The following CUTC variants were observed in gnomAD, a reference collection of about 807,000 sequenced individuals.
CUTC encodes the protein cutC copper transporter.
In CUTC, 27 loss-of-function variants were observed where a neutral mutation model predicts 36.2. The ratio of observed to expected loss-of-function variants is 0.75; its 90% CI spans 0.55 to 1.03. CUTC has a LOEUF of 1.03. CUTC is among the 50% of genes least tolerant of loss of function. CUTC has a pLI of 0.00. For missense variants in CUTC, 315 were observed against 343.5 expected, an observed-to-expected ratio of 0.92 and a Z score of 0.66; for synonymous variants, 114 against 118.3, an observed-to-expected ratio of 0.96 and a Z score of 0.24.
chr10:99,738,389 GGT>G (rs10693937), intron 2 of CUTC, among the ~76,000 whole-genome samples: 2,542 of 142,904 alleles, frequency 0.018, 54 homozygotes, highest in East Asian at 0.11. Context: ...ACTCATACAG[GGT>G]GTGTGTGTGT....
In CUTC at chr10:99,740,575, G is replaced by A. The variant is rs1441881107; in HGVS notation, c.193+806G>A. On this transcript the variant is annotated intron_variant, in intron 3 of 8. Coordinates refer to ENST00000370476, the MANE Select transcript of CUTC (RefSeq NM_015960.3). ...TACTTTTAAGATTTTTTTATTATTGGTTTTGAACAATTTTCTTATGGTGTA... is the reference window on the plus strand; with the variant it reads ...TACTTTTAAGATTTTTTTATTATTGATTTTGAACAATTTTCTTATGGTGTA... Among the ~76,000 whole-genome samples, 5 of 151,314 alleles carry A rather than the reference G, an allele frequency of 3.3e-5. No homozygotes were observed. In the South Asian group the frequency reaches 8.4e-4, roughly 25 times the overall value.
chr10:99,754,773 A>C, intron 8 of CUTC, 139 bp downstream of exon 8: 1 of 609,530 alleles, frequency 1.6e-6, no homozygotes, highest in Non-Finnish European at 2.9e-6. Context: ...TTGTTTTTGT[A>C]GTTGAAAAAC....
chr10:99,732,311 T>C lies in CUTC; in HGVS notation c.-38T>C, dbSNP rs769068328. The stretch of plus-strand genomic sequence containing the variant: ...TGCGCGCCGGAGCCCAAATTCCAAG[T>C]GGAAACTGCAGGCGCACGAGGGAGG... On this transcript the variant is annotated 5_prime_UTR_variant, in exon 1 of 9. Transcript: ENST00000370476. The C allele has an allele frequency of 6.5e-7, 1 of 1,549,842 alleles. No homozygotes were observed. The highest frequency in any genetic ancestry group is 1.2e-5 in the South Asian group (1 of 83,980).
At position 99,739,749 on chromosome 10, in the gene CUTC, G is replaced by A. The variant is rs180812309; in HGVS notation, c.173G>A (p.Gly58Glu). The change falls in exon 3 of 9, where the codon GGG (glycine) becomes GAG (glutamate). Residue 58 changes from glycine (G) to glutamate (E), a missense_variant. Transcript: ENST00000370476. Reference protein sequence around the residue: ...RIELCSGLSEGGTTPSMGVLQ... With the variant: ...RIELCSGLSEEGTTPSMGVLQ... ...GAATTATGTTCTGGTTTATCAGAGG[G>A]GGGAACTACACCCAGCATGGGTAAG... 1.2e-6 allele frequency: 2 copies of A among 1,611,202 alleles called. No individual in the cohort carries two copies. Among genetic ancestry groups the A allele is most frequent in the East Asian group, 2.2e-5 (1 of 44,650 alleles).
Position 99,734,361 on chromosome 10 carries a change from C to G in CUTC, c.62-1885C>G, listed in dbSNP as rs143772909. Among the ~76,000 whole-genome samples, 8 of 152,262 alleles carry G rather than the reference C, an allele frequency of 5.3e-5. No individual in the cohort carries two copies. In the South Asian group the frequency reaches 1.7e-3, roughly 32 times the overall value. On this transcript the variant is annotated intron_variant, in intron 1 of 8. Transcript: ENST00000370476. ...GGATTACAGGCGTGAGCCACCGCGC[C>G]GGACAGGGACTGATAGTCTTAAATA...
At chr10:99,747,614 G>A (rs2037388389) in intron 6 of CUTC, among the ~76,000 whole-genome samples, 1 of 152,234 alleles carries the variant, frequency 6.6e-6, no homozygotes, top group African/African-American at 2.4e-5. Context: ...CTAAAGATCT[G>A]ATCTAACTTG....
intron 1 of CUTC, 150 bp downstream of exon 1, chr10:99,732,559 A>G: frequency 6.9e-7 from 1 of 1,450,714 alleles, no homozygotes; most frequent in South Asian, 1.5e-5. Context: ...GAGGCGTTAA[A>G]GGTGTGGAAA....
At chr10:99,738,970 T>C (rs78078504) in intron 2 of CUTC, among the ~76,000 whole-genome samples, 3,150 of 152,264 alleles carry the variant, frequency 0.021, 105 homozygotes, top group African/African-American at 0.072. Flanking sequence ...CCTCATCCTC[T>C]GTTTGGTTAT....
intron 6 of CUTC, 136 bp from the exon 7 acceptor site, chr10:99,750,233 T>C (rs2037406319): frequency 2.1e-6 from 1 of 479,796 alleles, no homozygotes; most frequent in Non-Finnish European, 3.5e-6. Context: ...ATAGAGAAGA[T>C]CTAGTAAAAA....
chr10:99,746,522 A>G (rs1441225650), intron 5 of CUTC, among the ~76,000 whole-genome samples: 1 of 152,206 alleles, frequency 6.6e-6, no homozygotes, highest in Non-Finnish European at 1.5e-5. Flanking sequence ...AAAAGTTAAA[A>G]AAAAGTAAAT....
At chr10:99,738,389 G>GGTGC (rs1554843112) in intron 2 of CUTC, among the ~76,000 whole-genome samples, 3 of 142,862 alleles carry the variant, frequency 2.1e-5, no homozygotes, top group Admixed American at 7.0e-5. Context: ...ACTCATACAG[G>GGTGC]GTGTGTGTGT....
chr10:99,733,071 G>A (rs1299082508), intron 1 of CUTC, among the ~76,000 whole-genome samples: 3 of 151,920 alleles, frequency 2.0e-5, no homozygotes, highest in Non-Finnish European at 4.4e-5. Context: ...TTTTTTGGGA[G>A]GCCGAGGGGG....
At chr10:99,735,101 CAAAAAAAAAA>C (rs56971127) in intron 1 of CUTC, among the ~76,000 whole-genome samples, 1 of 68,770 alleles carries the variant, frequency 1.5e-5, no homozygotes, top group Non-Finnish European at 2.5e-5. Context: ...GACTCTGTAT[CAAAAAAAAAA>C]AAAAAAAAAA....
intron 1 of CUTC, among the ~76,000 whole-genome samples, chr10:99,735,535 G>A (rs1265605634): frequency 6.6e-6 from 1 of 152,138 alleles, no homozygotes; most frequent in African/African-American, 2.4e-5. Context: ...AGCCTCCCAA[G>A]TAGCTGGGAT....
intron 6 of CUTC, among the ~76,000 whole-genome samples, chr10:99,748,064 A>C (rs2037391871): frequency 6.6e-6 from 1 of 152,220 alleles, no homozygotes; most frequent in Admixed American, 6.5e-5. Flanking sequence ...TTCTGATGTC[A>C]GTCCAGAGGC....
chr10:99,748,448 G>A (rs1285823736), intron 6 of CUTC, among the ~76,000 whole-genome samples: 2 of 152,180 alleles, frequency 1.3e-5, no homozygotes, highest in Non-Finnish European at 2.9e-5. Context: ...ATTCTGGGAT[G>A]TAATGGTTTC....
At position 99,744,060 on chromosome 10, in the gene CUTC, A is replaced by T. The variant is rs758712399; in HGVS notation, c.427A>T (p.Thr143Ser). ...LMAICRPLPV[T>S]FHRAFDMVHD... The stretch of plus-strand genomic sequence containing the variant: ...AGCTATTTGCCGCCCTCTGCCAGTC[A>T]CTTTCCACCGAGGTGAGTCATTTTC... Residue 143 changes from threonine (T) to serine (S), a missense_variant, in exon 5 of 9, where the codon ACT becomes TCT. By Grantham distance (58) the Thr-to-Ser change is moderately conservative. Transcript: ENST00000370476. 3 of 1,612,280 alleles carry T rather than the reference A, an allele frequency of 1.9e-6. No individual in the cohort carries two copies. Among genetic ancestry groups the T allele is most frequent in the Non-Finnish European group, 2.5e-6 (3 of 1,179,524 alleles).
At chr10:99,743,567 T>C (rs2037356100) in intron 4 of CUTC, among the ~76,000 whole-genome samples, 1 of 152,174 alleles carries the variant, frequency 6.6e-6, no homozygotes, top group South Asian at 2.1e-4. Flanking sequence ...TCAATTGCTA[T>C]AGATTAGGCT....
chr10:99,744,483 A>G lies in CUTC; in HGVS notation c.439+411A>G, dbSNP rs80115632. ...TGTCTATCTTAAGCCAGGCAAAACCATCCCTGGGGCTAGCAGTGAGGTGGG... is the reference window on the plus strand; with the variant it reads ...TGTCTATCTTAAGCCAGGCAAAACCGTCCCTGGGGCTAGCAGTGAGGTGGG... On this transcript the variant is annotated intron_variant, in intron 5 of 8. Transcript: ENST00000370476. 1.9e-3 allele frequency among the ~76,000 whole-genome samples: 290 copies of G among 152,314 alleles called. 1 individual carries two copies. Among genetic ancestry groups the G allele is most frequent in the Non-Finnish European group, 3.2e-3 (217 of 68,024 alleles).
Sources: gnomAD v4.1 joint callset for allele counts (sites outside exome capture counted in the v4.1 genomes callset) on GRCh38, gnomAD v4.1.1 for gene constraint, MANE v1.5 for transcripts, NCBI Gene and HGNC (gene_info 2026-07-23, HGNC 2026-07-21) for gene names.